CEP63: variants seen among roughly 807,000 people sequenced by gnomAD.
The protein encoded by CEP63 is centrosomal protein 63, also known as centrosomal protein of 63 kDa.
CEP63 carries 84 observed loss-of-function variants against 89.1 expected under a neutral mutation model. That is an observed-to-expected ratio of 0.94 (90% CI 0.79 to 1.13). The LOEUF (loss-of-function observed/expected upper bound fraction) is 1.13. Ranked by LOEUF, CEP63 falls within the 50% of genes most tolerant of loss-of-function variation. The probability of loss-of-function intolerance (pLI) is 0.00; values close to 1 mark genes in which losing one functional copy is unlikely to be tolerated. For missense variants in CEP63, 838 were observed against 813.3 expected (o/e 1.03, Z -0.37); for synonymous variants, 267 against 272.5 (o/e 0.98, Z 0.20).
the CEP63 span, chr3:134,604,498 G>A: frequency 6.3e-7 from 1 of 1,583,466 alleles, no homozygotes; most frequent in Non-Finnish European, 8.6e-7. Flanking sequence ...GTCAGGGTCA[G>A]CAGAGATGGG....
At chr3:134,638,624 T>C in the CEP63 span, among the ~76,000 whole-genome samples, 2 of 152,358 alleles carry the variant, frequency 1.3e-5, no homozygotes, top group African/African-American at 4.8e-5. Flanking sequence ...GCCCCTTTCC[T>C]AGACCCCGCC....
chr3:134,738,209 G>GTTA, the CEP63 span, among the ~76,000 whole-genome samples: 2 of 150,948 alleles, frequency 1.3e-5, no homozygotes, highest in African/African-American at 4.9e-5. Flanking sequence ...TGGAAATGCT[G>GTTA]TTAATTCATT....
intron 11 of CEP63, among the ~76,000 whole-genome samples, chr3:134,551,575 C>T (rs185604403): frequency 1.3e-5 from 2 of 151,848 alleles, no homozygotes; most frequent in East Asian, 3.9e-4. Flanking sequence ...TTGGAGGAGG[C>T]CAGCACAGGA....
chr3:134,561,877 A>G lies in CEP63; in HGVS notation c.*342A>G. ...TAAGGATTTTATGATACATGTTGAA[A>G]ATAAAGTAACTGCAGGAACTTTCTT... On this transcript the variant is annotated 3_prime_UTR_variant, in exon 15 of 15. Transcript: ENST00000675561. The G allele has an allele frequency of 9.4e-7, 1 of 1,064,768 alleles. No homozygotes were observed. The highest frequency in any genetic ancestry group is 1.1e-6 in the Non-Finnish European group (1 of 877,732). 66.0% of individuals were successfully genotyped at this position (1,064,768 alleles called of 1,614,324 possible).
downstream of CEP63, among the ~76,000 whole-genome samples, chr3:134,568,392 A>G (rs1319175462): frequency 6.6e-6 from 1 of 152,228 alleles, no homozygotes; most frequent in African/African-American, 2.4e-5. Flanking sequence ...TTCTTCAGCC[A>G]CAGGCAAGCA....
At chr3:134,609,832 G>C in the CEP63 span, among the ~76,000 whole-genome samples, 2 of 152,354 alleles carry the variant, frequency 1.3e-5, no homozygotes, top group East Asian at 3.9e-4. Flanking sequence ...ATTTGTGCCT[G>C]GTAATGTGGT....
At chr3:134,746,071 C>CG in the CEP63 span, among the ~76,000 whole-genome samples, 1 of 151,594 alleles carries the variant, frequency 6.6e-6, no homozygotes, top group Non-Finnish European at 1.5e-5. Context: ...CTCCACCACC[C>CG]CCCCCACCCC....
chr3:134,675,144 A>G, the CEP63 span, among the ~76,000 whole-genome samples: 4 of 152,334 alleles, frequency 2.6e-5, no homozygotes, highest in Admixed American at 1.3e-4. Flanking sequence ...ACTTACCACA[A>G]AACTTCAGTA....
At chr3:134,618,366 A>T in the CEP63 span, among the ~76,000 whole-genome samples, 1 of 152,136 alleles carries the variant, frequency 6.6e-6, no homozygotes, top group African/African-American at 2.4e-5. Context: ...CTGGGTGCCT[A>T]AGAAGACTCA....
At chr3:134,691,512 G>A in the CEP63 span, among the ~76,000 whole-genome samples, 1 of 151,598 alleles carries the variant, frequency 6.6e-6, no homozygotes, top group South Asian at 2.1e-4. Flanking sequence ...CAGCTGCTCA[G>A]GAGACTGAGC....
exon 12 of CEP63, chr3:134,575,000 G>T: frequency 2.5e-6 from 1 of 404,640 alleles, no homozygotes; most frequent in Non-Finnish European, 4.4e-6. Context: ...AATAAATATT[G>T]TAAAGAAAAT....
the CEP63 span, among the ~76,000 whole-genome samples, chr3:134,593,524 C>T: frequency 6.6e-6 from 1 of 152,168 alleles, no homozygotes; most frequent in African/African-American, 2.4e-5. Flanking sequence ...TCTTAGCTGG[C>T]ACACTCTCCT....
At position 134,559,242 on chromosome 3, in the gene CEP63, TA is replaced by T. The variant is rs1252134499; in HGVS notation, c.1769del (p.Asn590ThrfsTer7). ...CCAAGAGGACAAGCGTCGGATAGTA[TA>T]AACCCCATGTCTAGGGTGCTAAGCC... Reference protein sequence around the residue: ...HSPRGQASDSINPMSRVLSPL... With the variant: ...HSPRGQASDSXNPMSRVLSPL... On this transcript the variant is annotated frameshift_variant, in exon 14 of 15. Coordinates refer to ENST00000675561, the MANE Select transcript of CEP63 (RefSeq NM_001353108.3). LOFTEE classifies it high-confidence loss of function. 5.6e-6 allele frequency: 9 copies of T among 1,614,062 alleles called. No individual in the cohort carries two copies. Among genetic ancestry groups the T allele is most frequent in the Non-Finnish European group, 7.6e-6 (9 of 1,180,032 alleles).
At chr3:134,730,692 T>C in the CEP63 span, among the ~76,000 whole-genome samples, 1 of 151,460 alleles carries the variant, frequency 6.6e-6, no homozygotes, top group Non-Finnish European at 1.5e-5. Flanking sequence ...AAAATGAAAA[T>C]AGTAAAAGCA....
At chr3:134,582,388 T>A (rs1251906605) in intron 10 of CEP63, among the ~76,000 whole-genome samples, 2 of 152,076 alleles carry the variant, frequency 1.3e-5, no homozygotes, top group African/African-American at 4.8e-5. Context: ...GTCCAAGTGT[T>A]CCCTCTGTTC....
chr3:134,615,349 CTTTTTTTTTT>C, the CEP63 span: 3 of 96,156 alleles, frequency 3.1e-5, no homozygotes, highest in Non-Finnish European at 5.9e-5. Flanking sequence ...GTTCAAGAAG[CTTTTTTTTTT>C]TTTTTTTTTT....
chr3:134,748,702 G>A, the CEP63 span, among the ~76,000 whole-genome samples: 16 of 152,224 alleles, frequency 1.1e-4, no homozygotes, highest in Admixed American at 7.2e-4. Context: ...CTGATGGGCA[G>A]TGCTGAAGTC....
chr3:134,716,221 A>G, the CEP63 span, among the ~76,000 whole-genome samples: 8 of 152,360 alleles, frequency 5.3e-5, no homozygotes, highest in Admixed American at 5.2e-4. Context: ...GAAACAGTGC[A>G]TCTCTTAGAA....
At chr3:134,746,065 A>ACC in the CEP63 span, among the ~76,000 whole-genome samples, 4 of 111,844 alleles carry the variant, frequency 3.6e-5, no homozygotes, top group Admixed American at 9.3e-5. Context: ...TCCCTCCTCC[A>ACC]CCACCCCCCC....
Sources: gnomAD v4.1 joint callset for allele counts (sites outside exome capture counted in the v4.1 genomes callset) on GRCh38, gnomAD v4.1.1 for gene constraint, MANE v1.5 for transcripts, NCBI Gene and HGNC (gene_info 2026-07-23, HGNC 2026-07-21) for gene names.